HMCN2: variants seen among roughly 807,000 people sequenced by gnomAD.
The protein encoded by HMCN2 is hemicentin-2.
Under a neutral mutation model 377.5 loss-of-function variants are expected in HMCN2, and 325 were observed. The observed-to-expected ratio is 0.86, with a 90% confidence interval of 0.79 to 0.94. The LOEUF is 0.94. Ranked by LOEUF, HMCN2 falls within the 40% of genes least tolerant of loss-of-function variation. HMCN2 has a pLI of 0.00. For missense variants in HMCN2, 4,543 were observed against 4,725.3 expected (o/e 0.96, Z 1.13); for synonymous variants, 2,007 against 2,046.8 (o/e 0.98, Z 0.53).
chr9:130,389,859 G>A (rs1023182524), intron 62 of HMCN2, among the ~76,000 whole-genome samples: 12 of 152,230 alleles, frequency 7.9e-5, no homozygotes, highest in African/African-American at 2.9e-4. Flanking sequence ...ATAGGCATGA[G>A]CCACCGTGCC....
In HMCN2 at chr9:130,403,343, C is replaced by CAGCCAGCCTGGGA. The variant is rs1410277982; in HGVS notation, c.12013+18_12013+30dup. On this transcript the variant is annotated intron_variant, in intron 79 of 97. Transcript: ENST00000683500. The stretch of plus-strand genomic sequence containing the variant: ...CGTCGCTACTGGTGAGGGCCCCTGG[C>CAGCCAGCCTGGGA]AGCCAGCCTGGGAAGGGAAGAGAAG... 3 of 1,289,568 alleles carry CAGCCAGCCTGGGA rather than the reference C, an allele frequency of 2.3e-6. No individual in the cohort carries two copies. The highest frequency in any genetic ancestry group is 3.0e-6 in the Non-Finnish European group (3 of 988,760). 79.9% of individuals were successfully genotyped at this position (1,289,568 alleles called of 1,614,324 possible).
At chr9:130,348,287 G>C (rs1839498668) in intron 26 of HMCN2, among the ~76,000 whole-genome samples, 1 of 152,212 alleles carries the variant, frequency 6.6e-6, no homozygotes, top group South Asian at 2.1e-4. Context: ...GATCTAAGGG[G>C]ACTCCAGCAC....
chr9:130,303,724 G>A lies in HMCN2; in HGVS notation c.1543+116G>A. On this transcript the variant is annotated intron_variant, in intron 10 of 97. Transcript: ENST00000683500. The surrounding 1 kb of genome is among the most constrained non-coding windows in gnomAD (Gnocchi z 5.2). ...AGCTGCTGGGACAATTCGTCATGCC[G>A]GGTCTGGCTGCCCAGGCTGCCACCT... 4.9e-6 allele frequency: 1 copy of A among 205,474 alleles called. No individual in the cohort carries two copies. The highest frequency in any genetic ancestry group is 1.1e-5 in the Non-Finnish European group (1 of 92,808). 12.7% of individuals were successfully genotyped at this position (205,474 alleles called of 1,614,324 possible). A position where few individuals can be genotyped will look rare whatever the true frequency, so the allele number is the denominator to read the frequency against.
chr9:130,404,650 C>A (rs1012068077), intron 80 of HMCN2, among the ~76,000 whole-genome samples: 38 of 152,322 alleles, frequency 2.5e-4, no homozygotes, highest in African/African-American at 9.1e-4. Context: ...TGTGTGTACA[C>A]GTGTGCACAG....
intron 97 of HMCN2, chr9:130,433,147 T>TGTTGAA: frequency 2.0e-6 from 1 of 490,990 alleles, no homozygotes; most frequent in Non-Finnish European, 3.5e-6. Flanking sequence ...GCCTCTGGCT[T>TGTTGAA]CTCTGGGCTT....
intron 85 of HMCN2, 52 bp from the exon 86 acceptor site, chr9:130,418,720 G>T: frequency 1.5e-6 from 2 of 1,372,262 alleles, no homozygotes; most frequent in South Asian, 4.1e-5. Context: ...TATCCCACTT[G>T]AATATGCAAA....
At chr9:130,368,484 G>T (rs1332832028) in intron 44 of HMCN2, 47 bp downstream of exon 44, 2 of 966,980 alleles carry the variant, frequency 2.1e-6, no homozygotes, top group Admixed American at 6.2e-5. Flanking sequence ...TCATGGACTG[G>T]CTGGGCAGGC....
chr9:130,425,860 C>T lies in HMCN2; in HGVS notation c.13815C>T (p.Ile4605=). ...QLVQHLRASA[I]SSAFDPEAEA... ...TGCAGCACCTGCGGGCCTCAGCTATCAGCTCGGCCTTTGATCCAGAGGCCG... is the reference window on the plus strand; with the variant it reads ...TGCAGCACCTGCGGGCCTCAGCTATTAGCTCGGCCTTTGATCCAGAGGCCG... Residue 4605 remains isoleucine, a synonymous_variant, in exon 90 of 98, where the codon ATC becomes ATT. Transcript: ENST00000683500. The T allele has an allele frequency of 1.3e-6, 2 of 1,550,446 alleles. No individual in the cohort carries two copies. The highest frequency in any genetic ancestry group is 1.7e-6 in the Non-Finnish European group (2 of 1,146,978).
intron 36 of HMCN2, among the ~76,000 whole-genome samples, chr9:130,359,087 G>A (rs181393971): frequency 1.3e-5 from 2 of 152,306 alleles, no homozygotes; most frequent in Admixed American, 1.3e-4. Context: ...CGGCTGTCCT[G>A]GGGTGGGGGC....
At chr9:130,376,333 C>T (rs1841374059) in intron 51 of HMCN2, among the ~76,000 whole-genome samples, 183 bp from the exon 52 acceptor site, 1 of 152,212 alleles carries the variant, frequency 6.6e-6, no homozygotes, top group Non-Finnish European at 1.5e-5. Context: ...CCTGCCCCAT[C>T]CTATAACTCT....
chr9:130,344,376 G>C (rs1277249645), intron 25 of HMCN2, among the ~76,000 whole-genome samples: 1 of 150,788 alleles, frequency 6.6e-6, no homozygotes, highest in African/African-American at 2.4e-5. Flanking sequence ...TGTGTGTGTG[G>C]TGTTTGGCAT....
chr9:130,303,175 C>T lies in HMCN2; in HGVS notation c.1421+174C>T, dbSNP rs79482312. ...CAGCCAGGGATGGAGAGGAGTTTTT[C>T]CGAGACTCCCACCACTGCTGGGCCA... On this transcript the variant is annotated intron_variant, in intron 9 of 97. Transcript: ENST00000683500. The surrounding 1 kb of genome is among the most constrained non-coding windows in gnomAD (Gnocchi z 5.2). Among the ~76,000 whole-genome samples, 250 of 152,314 alleles carry T rather than the reference C, an allele frequency of 1.6e-3. 5 individuals are homozygous for T. In the East Asian group the frequency reaches 0.03, roughly 18 times the overall value.
At position 130,304,984 on chromosome 9, in the gene HMCN2, G is replaced by T. The variant is rs1363437156; in HGVS notation, c.1798G>T (p.Val600Phe). 4.3e-6 allele frequency: 2 copies of T among 470,246 alleles called. No homozygotes were observed. Among genetic ancestry groups the T allele is most frequent in the African/African-American group, 2.0e-5 (1 of 50,066 alleles). 29.1% of individuals were successfully genotyped at this position (470,246 alleles called of 1,614,324 possible). Residue 600 changes from valine to phenylalanine, a missense_variant, in exon 11 of 98, where the codon GTC becomes TTC. By Grantham distance (50) the Val-to-Phe change is conservative. Transcript: ENST00000683500. This position sits in a 1 kb window ranked among gnomAD's most constrained non-coding sequence, Gnocchi z 4.3. ...SNANGVTRAS[V>F]WLLVREAPQV... The stretch of plus-strand genomic sequence containing the variant: ...TGCCAATGGGGTCACAAGGGCATCC[G>T]TCTGGCTCCTGGTGCGAGGTGAGGC...
In HMCN2 at chr9:130,407,582, G is replaced by A. The variant is rs762294039; in HGVS notation, c.12565G>A (p.Glu4189Lys). Residue 4189 changes from glutamate to lysine, a missense_variant, in exon 83 of 98, where the codon GAG (glutamate) becomes AAG (lysine). Transcript: ENST00000683500. Reference protein sequence around the residue: ...NDRPVTEGVSEQDGGSTLQRA... With the variant: ...NDRPVTEGVSKQDGGSTLQRA... ...TTTCTCCACCACAGAAGGGGTGTCT[G>A]AGCAGGATGGAGGCAGCACGCTGCA... The A allele has an allele frequency of 4.0e-5, 51 of 1,289,494 alleles. No individual in the cohort carries two copies. The highest frequency in any genetic ancestry group is 4.7e-5 in the Non-Finnish European group (46 of 988,746). The allele number at this position is 1,289,494 out of a possible 1,614,324, so 79.9% of individuals were successfully genotyped here.
chr9:130,413,238 C>T (rs553093090), intron 85 of HMCN2, among the ~76,000 whole-genome samples: 10 of 152,244 alleles, frequency 6.6e-5, no homozygotes, highest in Admixed American at 1.3e-4. Context: ...AATCTGCGTA[C>T]CTTGAAGTTT....
chr9:130,349,697 T>C, intron 29 of HMCN2, 34 bp downstream of exon 29: 2 of 1,294,314 alleles, frequency 1.5e-6, no homozygotes, highest in Non-Finnish European at 2.0e-6. Flanking sequence ...TGGCGTGTGG[T>C]GGTGCCCAGA....
chr9:130,352,713 C>T (rs1042343922), intron 30 of HMCN2, among the ~76,000 whole-genome samples: 2 of 152,118 alleles, frequency 1.3e-5, no homozygotes, highest in African/African-American at 4.8e-5. Flanking sequence ...GCCCCGCCCC[C>T]ACCTCCTGCA....
In HMCN2 at chr9:130,404,920, C is replaced by G. The variant is rs1301489130; in HGVS notation, c.12200C>G (p.Ser4067Cys). Reference protein sequence around the residue: ...GLPDLSTTEGSHAFLPCKARG... With the variant: ...GLPDLSTTEGCHAFLPCKARG... The stretch of plus-strand genomic sequence containing the variant: ...CCAGACCTGTCCACCACCGAAGGCT[C>G]CCACGCCTTCTTGCCTTGCAAGGCG... The change falls in exon 81 of 98, where the codon TCC becomes TGC. Residue 4067 changes from serine (S) to cysteine (C), a missense_variant. Physicochemically the swap from Ser to Cys is moderately radical, Grantham distance 112. Around this residue, in one of 5 missense-constraint regions of HMCN2, gnomAD observed 1,073 missense variants for 1,319.5 expected, o/e 0.81. Coordinates refer to ENST00000683500, the MANE Select transcript of HMCN2 (RefSeq NM_001291815.2). 4 of 1,287,888 alleles carry G rather than the reference C, an allele frequency of 3.1e-6. No individual in the cohort carries two copies. In the African/African-American group the frequency reaches 6.1e-5, roughly 20 times the overall value. 79.8% of individuals were successfully genotyped at this position (1,287,888 alleles called of 1,614,324 possible). A position where few individuals can be genotyped will look rare whatever the true frequency, so the allele number is the denominator to read the frequency against.
At chr9:130,333,027 G>T (rs1838509744) in intron 22 of HMCN2, among the ~76,000 whole-genome samples, 3 of 152,330 alleles carry the variant, frequency 2.0e-5, no homozygotes, top group East Asian at 3.9e-4. Context: ...GAAGGTCTGG[G>T]GGGAGGGAGG....
Sources: gnomAD v4.1 joint callset for allele counts (sites outside exome capture counted in the v4.1 genomes callset) on GRCh38, gnomAD v4.1.1 for gene constraint, gnomAD v4.1.1 regional missense constraint, Gnocchi (gnomAD v3.1) non-coding constraint, MANE v1.5 for transcripts, NCBI Gene and HGNC (gene_info 2026-07-23, HGNC 2026-07-21) for gene names.